Variants in KDM1B observed in about 807,000 individuals in gnomAD.
The protein encoded by KDM1B is lysine demethylase 1B.
KDM1B carries 63 observed loss-of-function variants against 107.4 expected under a neutral mutation model. The ratio of observed to expected loss-of-function variants is 0.59; its 90% CI spans 0.48 to 0.72. KDM1B has a LOEUF of 0.72. KDM1B is among the 30% of genes least tolerant of loss of function. The probability of loss-of-function intolerance (pLI) is 0.00; values close to 1 mark genes in which losing one functional copy is unlikely to be tolerated. For missense variants in KDM1B, 749 were observed against 1,020.8 expected, an observed-to-expected ratio of 0.73 and a Z score of 3.63; for synonymous variants, 363 against 363.9, an observed-to-expected ratio of 1.00 and a Z score of 0.03.
At chr6:18,161,212 A>G (rs542681858) in intron 3 of KDM1B, 115 bp from the exon 4 acceptor site, 4 of 864,308 alleles carry the variant, frequency 4.6e-6, no homozygotes, top group Admixed American at 4.3e-5. Context: ...ACCTACTGCC[A>G]TGATGTTTTT....
chr6:18,166,505 TA>T, intron 6 of KDM1B, 127 bp downstream of exon 6: 1 of 600,644 alleles, frequency 1.7e-6, no homozygotes, highest in Non-Finnish European at 3.0e-6. Flanking sequence ...TTAAAGCAAA[TA>T]TTTTTTATTT....
At chr6:18,195,226 A>G (rs936342466) in intron 10 of KDM1B, among the ~76,000 whole-genome samples, 1 of 152,132 alleles carries the variant, frequency 6.6e-6, no homozygotes, top group Non-Finnish European at 1.5e-5. Flanking sequence ...TCCCTATTTG[A>G]ATACTGCTGC....
rs1202751247 is a variant in KDM1B, at chr6:18,155,481, G to A, written c.-148G>A. 2 of 155,536 alleles carry A rather than the reference G, an allele frequency of 1.3e-5. No individual in the cohort carries two copies. The highest frequency in any genetic ancestry group is 2.8e-5 in the Non-Finnish European group (2 of 70,472). 9.6% of individuals were successfully genotyped at this position (155,536 alleles called of 1,614,324 possible). The stretch of plus-strand genomic sequence containing the variant: ...CCGAGAAGAGGCTGGGGCTCGCGGC[G>A]CGGCTGCAGCCGTCCTGTGCGCGCG... On this transcript the variant is annotated 5_prime_UTR_variant, in exon 1 of 22. Transcript: ENST00000650836. This position sits in a 1 kb window ranked among gnomAD's most constrained non-coding sequence, Gnocchi z 6.2.
At chr6:18,194,762 CA>C (rs2150950752) in intron 10 of KDM1B, among the ~76,000 whole-genome samples, 1 of 152,022 alleles carries the variant, frequency 6.6e-6, no homozygotes, top group South Asian at 2.1e-4. Flanking sequence ...CTCAGCCTCC[CA>C]AAGTGGTGGG....
Position 18,200,327 on chromosome 6 carries a change from G to A in KDM1B, c.1222-112G>A. 9.3e-7 allele frequency: 1 copy of A among 1,080,704 alleles called. No individual in the cohort carries two copies. Among genetic ancestry groups the A allele is most frequent in the Non-Finnish European group, 1.3e-6 (1 of 763,792 alleles). The allele number at this position is 1,080,704 out of a possible 1,614,324, so 66.9% of individuals were successfully genotyped here. ...AAAGTTGTTTTTTTAGAAATATTTG[G>A]AATTAACCAAATATAGAGGCTATTT... On this transcript the variant is annotated intron_variant, in intron 12 of 21. Coordinates refer to ENST00000650836, the MANE Select transcript of KDM1B (RefSeq NM_001364614.2). This position sits in a 1 kb window ranked among gnomAD's most constrained non-coding sequence, Gnocchi z 4.3.
chr6:18,162,942 G>A lies in KDM1B; in HGVS notation c.305+18G>A, dbSNP rs1350499275. On this transcript the variant is annotated intron_variant, in intron 5 of 21. Coordinates refer to ENST00000650836, the MANE Select transcript of KDM1B (RefSeq NM_001364614.2). This position sits in a 1 kb window ranked among gnomAD's most constrained non-coding sequence, Gnocchi z 4.1. ...TACAGAAGGTATGTTCACTAATTGT[G>A]TGAGGTTTCCCTGGAGAAGGGGACC... The A allele has an allele frequency of 6.6e-7, 1 of 1,514,522 alleles. No individual in the cohort carries two copies. Among genetic ancestry groups the A allele is most frequent in the Admixed American group, 1.7e-5 (1 of 59,866 alleles). 93.8% of individuals were successfully genotyped at this position (1,514,522 alleles called of 1,614,324 possible). A position where few individuals can be genotyped will look rare whatever the true frequency, so the allele number is the denominator to read the frequency against.
intron 17 of KDM1B, among the ~76,000 whole-genome samples, chr6:18,210,335 T>C (rs1314000583): frequency 8.4e-5 from 10 of 119,464 alleles, no homozygotes; most frequent in African/African-American, 3.6e-4. Context: ...TTTTTTCTCT[T>C]TCTTTTCTTT....
chr6:18,193,719 G>GA (rs965820150), intron 10 of KDM1B, among the ~76,000 whole-genome samples: 4 of 152,052 alleles, frequency 2.6e-5, no homozygotes, highest in African/African-American at 9.7e-5. Context: ...GAGCTGGGGG[G>GA]TTGGTGACAA....
chr6:18,164,789 G>A (rs1785188469), intron 5 of KDM1B, among the ~76,000 whole-genome samples: 1 of 152,050 alleles, frequency 6.6e-6, no homozygotes, highest in African/African-American at 2.4e-5. Flanking sequence ...GGGATTACAG[G>A]TGTGCGCCAC....
chr6:18,168,675 C>CT (rs34708856), intron 6 of KDM1B, among the ~76,000 whole-genome samples: 50,163 of 151,972 alleles, frequency 0.33, 8,485 homozygotes, highest in East Asian at 0.52. Context: ...ACCTCAAACT[C>CT]TTTTCCATAG....
Position 18,213,696 on chromosome 6 carries a change from T to C in KDM1B, c.2024T>C (p.Val675Ala), listed in dbSNP as rs767358688. The C allele has an allele frequency of 6.2e-7, 1 of 1,614,154 alleles. No individual in the cohort carries two copies. Among genetic ancestry groups the C allele is most frequent in the East Asian group, 2.2e-5 (1 of 44,876 alleles). The change falls in exon 19 of 22, where the codon GTA becomes GCA. Residue 675 changes from valine (V) to alanine (A), a missense_variant. By Grantham distance (64) the Val-to-Ala change is moderately conservative (BLOSUM62 0). Transcript: ENST00000650836. This position sits in a 1 kb window ranked among gnomAD's most constrained non-coding sequence, Gnocchi z 5.9. ...QFPYRFWDSK[V>A]QGADFFGHVP... Reference sequence around the variant, plus strand: ...CCGTATAGATTTTGGGACAGTAAAGTACAAGGGGCTGACTTTTTTGGTCAC... The same window carrying C: ...CCGTATAGATTTTGGGACAGTAAAGCACAAGGGGCTGACTTTTTTGGTCAC...
intron 21 of KDM1B, 111 bp downstream of exon 21, chr6:18,217,996 A>G: frequency 1.7e-6 from 2 of 1,167,040 alleles, no homozygotes; most frequent in South Asian, 1.5e-5. Flanking sequence ...CAAAAGTCTT[A>G]TGACCACAGA....
At chr6:18,183,258 G>GGTTTTTT (rs1413905806) in intron 7 of KDM1B, among the ~76,000 whole-genome samples, 1 of 61,430 alleles carries the variant, frequency 1.6e-5, no homozygotes, top group African/African-American at 6.1e-5. Context: ...AATTTTGTGG[G>GGTTTTTT]TTTTTTTTTT....
intron 6 of KDM1B, among the ~76,000 whole-genome samples, chr6:18,170,906 C>T (rs929028854): frequency 3.8e-4 from 57 of 151,392 alleles, no homozygotes; most frequent in Non-Finnish European, 4.1e-4. Context: ...CTGCAAGCTT[C>T]GCCTCCCGGG....
Position 18,200,480 on chromosome 6 carries a change from C to T in KDM1B, c.1263C>T (p.Val421=). ...LEAKDRIGGR[V]WDDKSFKGVT... is the part of the protein sequence containing the mutation. ...CCAAAGACAGAATTGGAGGCCGAGT[C>T]TGGGATGATAAATCTTTTAAAGGCG... is the stretch of plus-strand genomic sequence containing the variant. Residue 421 remains valine (V), a synonymous_variant, in exon 13 of 22, where the codon GTC becomes GTT. Transcript: ENST00000650836. This position sits in a 1 kb window ranked among gnomAD's most constrained non-coding sequence, Gnocchi z 4.3. 3 of 1,614,024 alleles carry T rather than the reference C, an allele frequency of 1.9e-6. No individual in the cohort carries two copies. The highest frequency in any genetic ancestry group is 2.5e-6 in the Non-Finnish European group (3 of 1,179,984).
intron 12 of KDM1B, among the ~76,000 whole-genome samples, chr6:18,198,126 C>T (rs902162605): frequency 6.6e-6 from 1 of 151,926 alleles, no homozygotes; most frequent in South Asian, 2.1e-4. Context: ...GAACTCCTGA[C>T]CTCAAGTGAT....
Position 18,197,512 on chromosome 6 carries a change from G to T in KDM1B, c.1147-75G>T. The T allele has an allele frequency of 8.7e-7, 1 of 1,152,752 alleles. No individual in the cohort carries two copies. Among genetic ancestry groups the T allele is most frequent in the Non-Finnish European group, 1.3e-6 (1 of 774,956 alleles). 71.4% of individuals were successfully genotyped at this position (1,152,752 alleles called of 1,614,324 possible). On this transcript the variant is annotated intron_variant, in intron 11 of 21. Coordinates refer to ENST00000650836, the MANE Select transcript of KDM1B (RefSeq NM_001364614.2). The surrounding 1 kb of genome is among the most constrained non-coding windows in gnomAD (Gnocchi z 4.5). The stretch of plus-strand genomic sequence containing the variant: ...AAATGTAAATGAACGAATTTGCTCT[G>T]CAGTTCCGGAACAACTAAAACAGGA...
At position 18,203,376 on chromosome 6, in the gene KDM1B, T is replaced by C. The variant is rs1373777489; in HGVS notation, c.1531+1719T>C. ...TCTTATCAATAGCTTGTTTAAAAGC[T>C]TTGATAGTAGTGCACACATCTCTGT... On this transcript the variant is annotated intron_variant, in intron 14 of 21. Transcript: ENST00000650836. The surrounding 1 kb of genome is among the most constrained non-coding windows in gnomAD (Gnocchi z 5.5). Among the ~76,000 whole-genome samples the C allele has an allele frequency of 6.6e-6, 1 of 152,178 alleles. No homozygotes were observed. The highest frequency in any genetic ancestry group is 6.5e-5 in the Admixed American group (1 of 15,274).
In KDM1B at chr6:18,201,637, T is replaced by A. The variant is rs1281324990; in HGVS notation, c.1511T>A (p.Leu504His). 1 of 1,550,248 alleles carries A rather than the reference T, an allele frequency of 6.5e-7. No individual in the cohort carries two copies. Among genetic ancestry groups the A allele is most frequent in the African/African-American group, 1.4e-5 (1 of 73,010 alleles). ...GAGTGGAGAAAGGATAAGACTCAGC[T>A]CCAAGATGTCCCTTTAGGAGGTATG... The part of the protein sequence containing the change: ...VSEWRKDKTQ[L>H]QDVPLGEKIE... Residue 504 changes from leucine to histidine, a missense_variant, in exon 14 of 22, where the codon CTC becomes CAC. Transcript: ENST00000650836. The surrounding 1 kb of genome is among the most constrained non-coding windows in gnomAD (Gnocchi z 4.3).
Sources: gnomAD v4.1 joint callset for allele counts (sites outside exome capture counted in the v4.1 genomes callset) on GRCh38, gnomAD v4.1.1 for gene constraint, Gnocchi (gnomAD v3.1) non-coding constraint, MANE v1.5 for transcripts, NCBI Gene and HGNC (gene_info 2026-07-23, HGNC 2026-07-21) for gene names.